TXNL4A: variants seen among roughly 807,000 people sequenced by gnomAD.
TXNL4A encodes thioredoxin like 4A.
TXNL4A carries 17 observed loss-of-function variants against 14.6 expected under a neutral mutation model. That is an observed-to-expected ratio of 1.16 (90% confidence interval 0.80 to 1.74). The LOEUF is 1.74. TXNL4A is among the 40% of genes most tolerant of loss of function. TXNL4A has a pLI of 0.00. For missense variants in TXNL4A, 74 were observed against 195.2 expected (o/e 0.38, Z 3.70); for synonymous variants, 83 against 70.6 (o/e 1.18, Z -0.88).
Position 79,986,701 on chromosome 18 carries a change from C to T in TXNL4A, c.153+1539G>A, listed in dbSNP as rs374572068. 299 of 985,480 alleles carry T rather than the reference C, an allele frequency of 3.0e-4. 1 individual carries two copies. In the African/African-American group the frequency reaches 4.9e-3, roughly 16 times the overall value. The allele number at this position is 985,480 out of a possible 1,614,324, so 61.0% of individuals were successfully genotyped here. ...CTCACATCTCCAGCCATCCTAGCCT[C>T]GAGCTGCCGGCAGCAGGATCTGAAC... is the stretch of plus-strand genomic sequence containing the variant. On this transcript the variant is annotated intron_variant, in intron 1 of 2. Transcript: ENST00000269601.
At chr18:80,009,485 C>G (rs1384719327) in intron 1 of TXNL4A, among the ~76,000 whole-genome samples, 1 of 152,142 alleles carries the variant, frequency 6.6e-6, no homozygotes, top group East Asian at 1.9e-4. Flanking sequence ...GACGGGACAC[C>G]AACAGGGCTG....
At position 79,973,907 on chromosome 18, in the gene TXNL4A, G is replaced by A. The variant is rs1378773931; in HGVS notation, c.258-51C>T. On this transcript the variant is annotated intron_variant, in intron 2 of 2. Transcript: ENST00000269601. The stretch of plus-strand genomic sequence containing the variant: ...TTCTCATAGAAGTCTCTTTAAAAAA[G>A]AATTCCTTGAAAACAATGCCGTATT... 6.3e-6 allele frequency: 10 copies of A among 1,589,030 alleles called. No homozygotes were observed. In the South Asian group the frequency reaches 1.1e-4, roughly 18 times the overall value.
chr18:79,981,661 G>T (rs919916927), intron 1 of TXNL4A, among the ~76,000 whole-genome samples: 9 of 152,342 alleles, frequency 5.9e-5, no homozygotes, highest in Non-Finnish European at 1.2e-4. Context: ...GACAAAGCGA[G>T]ACTCCTTCTC....
Position 79,988,262 on chromosome 18 carries a change from A to G in TXNL4A, c.131T>C (p.Val44Ala). The stretch of plus-strand genomic sequence containing the variant: ...TACCTTCTCGGCGATGCTGTACAGG[A>G]CCTCGTCCATCTTCATGCACGTAGG... ...WDPTCMKMDE[V>A]LYSIAEKVKN... Residue 44 changes from valine to alanine, a missense_variant, in exon 1 of 3, where the codon GTC becomes GCC. By Grantham distance (64) the Val-to-Ala change is moderately conservative (BLOSUM62 0). This residue lies in a region of TXNL4A where 55 missense variants were observed against 116.1 expected (regional missense o/e 0.47). Transcript: ENST00000269601. 1 of 1,599,152 alleles carries G rather than the reference A, an allele frequency of 6.3e-7. No individual in the cohort carries two copies. The highest frequency in any genetic ancestry group is 8.6e-7 in the Non-Finnish European group (1 of 1,169,490).
chr18:80,021,675 G>A (rs2051850105), intron 1 of TXNL4A, among the ~76,000 whole-genome samples: 1 of 152,220 alleles, frequency 6.6e-6, no homozygotes. Flanking sequence ...GAACTAGCCT[G>A]CATTTCCCAC....
intron 1 of TXNL4A, among the ~76,000 whole-genome samples, chr18:80,028,770 A>G (rs892899242): frequency 1.3e-5 from 2 of 152,244 alleles, no homozygotes; most frequent in South Asian, 2.1e-4. Context: ...CTATGCTTCT[A>G]GGGTTTGCAT....
rs771287209 is a variant in TXNL4A at position 79,977,714 on chromosome 18, TA to T, written c.154-14del. Reference sequence around the variant, plus strand: ...CAAAATTTTTAACCTAAAAGGAGATTAAAAAAAAAAACTGAAATAACAGAAC... The same window carrying T: ...CAAAATTTTTAACCTAAAAGGAGATTAAAAAAAAAACTGAAATAACAGAAC... On this transcript the variant is annotated splice_polypyrimidine_tract_variant and intron_variant, in intron 1 of 2. Transcript: ENST00000269601. The T allele has an allele frequency of 6.9e-3, 8,101 of 1,181,316 alleles. No homozygotes were observed. The highest frequency in any genetic ancestry group is 7.9e-3 in the Non-Finnish European group (6,760 of 857,946). The allele number at this position is 1,181,316 out of a possible 1,614,324, so 73.2% of individuals were successfully genotyped here. A position where few individuals can be genotyped will look rare whatever the true frequency, so the allele number is the denominator to read the frequency against.
intron 1 of TXNL4A, among the ~76,000 whole-genome samples, chr18:79,996,254 G>C (rs1392937173): frequency 6.6e-6 from 1 of 152,120 alleles, no homozygotes; most frequent in Non-Finnish European, 1.5e-5. Flanking sequence ...ATTCTACCCT[G>C]ACAAATTGGG....
intron 1 of TXNL4A, among the ~76,000 whole-genome samples, chr18:80,017,441 A>C (rs1280557495): frequency 6.6e-6 from 1 of 151,832 alleles, no homozygotes. Context: ...GTCTTGTGCC[A>C]ATTTTCAAAG....
At chr18:80,017,369 A>G (rs1438742077) in intron 1 of TXNL4A, among the ~76,000 whole-genome samples, 1 of 151,586 alleles carries the variant, frequency 6.6e-6, no homozygotes, top group Non-Finnish European at 1.5e-5. Context: ...TCTCCTGCCT[A>G]ATTGCCCTGG....
chr18:80,022,615 C>T (rs1044051102), intron 1 of TXNL4A, among the ~76,000 whole-genome samples: 1 of 152,148 alleles, frequency 6.6e-6, no homozygotes, highest in Non-Finnish European at 1.5e-5. Context: ...TAAAGGAGTT[C>T]CAGTGATTTA....
intron 1 of TXNL4A, among the ~76,000 whole-genome samples, chr18:80,005,628 ATGT>A (rs1333004477): frequency 6.6e-6 from 1 of 152,218 alleles, no homozygotes; most frequent in East Asian, 1.9e-4. Flanking sequence ...GTATTGAAAA[ATGT>A]TGGCAGGGCA....
chr18:80,026,850 T>A (rs1350417401), intron 1 of TXNL4A, among the ~76,000 whole-genome samples: 1 of 152,212 alleles, frequency 6.6e-6, no homozygotes, highest in East Asian at 1.9e-4. Flanking sequence ...TTTTAAGAAT[T>A]GGAACCAGAG....
At chr18:80,019,533 G>A (rs1301520320) in intron 1 of TXNL4A, among the ~76,000 whole-genome samples, 1 of 152,162 alleles carries the variant, frequency 6.6e-6, no homozygotes, top group Non-Finnish European at 1.5e-5. Context: ...CAAGGACCAT[G>A]TGTTATTTAT....
Position 79,977,589 on chromosome 18 carries a change from A to G in TXNL4A, c.257+9T>C. The G allele has an allele frequency of 6.3e-7, 1 of 1,580,356 alleles. No individual in the cohort carries two copies. The highest frequency in any genetic ancestry group is 1.2e-5 in the South Asian group (1 of 86,886). ...ATTCAATTTCAGTAACAACTTTAAG[A>G]TAACGTACCTGAAGAAAAACATGAC... On this transcript the variant is annotated intron_variant, in intron 2 of 2. Transcript: ENST00000269601.
intron 1 of TXNL4A, among the ~76,000 whole-genome samples, chr18:80,018,661 C>T (rs542209340): frequency 6.6e-5 from 10 of 152,198 alleles, no homozygotes; most frequent in South Asian, 2.1e-4. Flanking sequence ...ATATCATCAC[C>T]GATCCCACAG....
intron 2 of TXNL4A, chr18:79,976,717 C>A: frequency 2.2e-6 from 1 of 450,402 alleles, no homozygotes; most frequent in South Asian, 1.6e-5. Context: ...ACCTTCCTTA[C>A]CGAGTAGGAG....
chr18:80,003,468 G>T (rs2051710434), intron 1 of TXNL4A, among the ~76,000 whole-genome samples: 1 of 152,184 alleles, frequency 6.6e-6, no homozygotes, highest in East Asian at 1.9e-4. Context: ...TTGTGAGTTT[G>T]GGGTCTTGAA....
upstream of TXNL4A, among the ~76,000 whole-genome samples, chr18:79,991,125 A>T (rs955339348): frequency 1.3e-5 from 2 of 151,858 alleles, no homozygotes; most frequent in African/African-American, 4.8e-5. Context: ...AAAAAAAAAA[A>T]AAACTTTTGT....
Sources: allele counts gnomAD v4.1 joint callset (sites outside exome capture counted in the v4.1 genomes callset), GRCh38; gene constraint gnomAD v4.1.1; regional missense constraint gnomAD v4.1.1; transcripts MANE v1.5; gene names NCBI Gene and HGNC (gene_info 2026-07-23, HGNC 2026-07-21).